Variants in DLG2 observed in about 807,000 individuals in gnomAD.
DLG2 encodes the protein discs large MAGUK scaffold protein 2, also known as disks large homolog 2.
A neutral mutation model predicts 132.5 loss-of-function variants in DLG2; 45 were observed. The observed-to-expected ratio is 0.34, with a 90% CI of 0.27 to 0.44. DLG2 has a LOEUF of 0.44. Ranked by LOEUF, DLG2 falls within the 20% of genes least tolerant of loss-of-function variation. DLG2 has a pLI of 1.00. For missense variants in DLG2, 1,045 were observed against 1,196.9 expected (o/e 0.87, Z 1.87); for synonymous variants, 424 against 419.6 (o/e 1.01, Z -0.13).
intron 4 of DLG2, among the ~76,000 whole-genome samples, chr11:85,249,181 C>T (rs897075473): frequency 6.6e-6 from 1 of 151,796 alleles, no homozygotes; most frequent in Non-Finnish European, 1.5e-5. Flanking sequence ...TTATCATGCT[C>T]ATTTGGGATC....
chr11:84,704,899 T>C (rs550429392), intron 6 of DLG2, among the ~76,000 whole-genome samples: 61 of 148,950 alleles, frequency 4.1e-4, no homozygotes, highest in African/African-American at 1.3e-3. Flanking sequence ...TATGTATATA[T>C]ACACATATAT....
intron 6 of DLG2, among the ~76,000 whole-genome samples, chr11:84,769,152 T>A (rs2068869576): frequency 6.6e-6 from 1 of 152,016 alleles, no homozygotes; most frequent in Non-Finnish European, 1.5e-5. Context: ...AAATGGAAAT[T>A]CAGAAATGAC....
intron 4 of DLG2, among the ~76,000 whole-genome samples, chr11:85,219,198 G>A (rs915568985): frequency 2.0e-5 from 3 of 151,952 alleles, no homozygotes; most frequent in Non-Finnish European, 4.4e-5. Flanking sequence ...TAACAAACCT[G>A]CACATGTACC....
chr11:85,150,698 TAGTGTGTG>T (rs2077188079), intron 5 of DLG2, among the ~76,000 whole-genome samples: 1 of 126,912 alleles, frequency 7.9e-6, no homozygotes, highest in Non-Finnish European at 1.6e-5. Context: ...TAAGGCTACA[TAGTGTGTG>T]TGTGTGTGTG....
At chr11:84,069,197 G>A (rs1424300311) in intron 10 of DLG2, among the ~76,000 whole-genome samples, 2 of 152,300 alleles carry the variant, frequency 1.3e-5, no homozygotes, top group East Asian at 3.9e-4. Flanking sequence ...ATGCTGGACT[G>A]AGACCATACT....
At chr11:85,171,736 G>A (rs1308012197) in intron 4 of DLG2, among the ~76,000 whole-genome samples, 1 of 152,190 alleles carries the variant, frequency 6.6e-6, no homozygotes, top group Non-Finnish European at 1.5e-5. Context: ...GGGAAGGGCA[G>A]CCACCATCTC....
intron 7 of DLG2, among the ~76,000 whole-genome samples, chr11:84,404,061 A>T (rs1417829028): frequency 6.6e-6 from 1 of 152,024 alleles, no homozygotes; most frequent in Non-Finnish European, 1.5e-5. Flanking sequence ...TCCAAATTTC[A>T]AATTGTATTA....
At chr11:85,034,923 T>G (rs1472116467) in intron 6 of DLG2, among the ~76,000 whole-genome samples, 1 of 152,202 alleles carries the variant, frequency 6.6e-6, no homozygotes, top group East Asian at 1.9e-4. Flanking sequence ...CATCTGCATT[T>G]GAATTAAGGT....
chr11:84,711,126 A>C, intron 6 of DLG2, among the ~76,000 whole-genome samples: 1 of 151,142 alleles, frequency 6.6e-6, no homozygotes, highest in East Asian at 2.0e-4. Context: ...TGTGACTTAC[A>C]ATAAAGTAAA....
chr11:83,950,064 GTCAGCCTTGGGTTAGTCAACA>G (rs1703919681), intron 14 of DLG2, among the ~76,000 whole-genome samples: 1 of 152,096 alleles, frequency 6.6e-6, no homozygotes, highest in South Asian at 2.1e-4. Context: ...TACCAGCTGA[GTCAGCCTTGGGTTAGTCAACA>G]TCAGTTACCT....
intron 7 of DLG2, among the ~76,000 whole-genome samples, chr11:84,401,605 G>A (rs138097023): frequency 3.0e-4 from 46 of 152,136 alleles, no homozygotes; most frequent in African/African-American, 1.1e-3. Context: ...AATATCTATG[G>A]AGCTCACTTC....
At chr11:84,477,976 T>C (rs898706828) in intron 7 of DLG2, among the ~76,000 whole-genome samples, 2 of 152,308 alleles carry the variant, frequency 1.3e-5, no homozygotes, top group Non-Finnish European at 2.9e-5. Flanking sequence ...GTATAAACCA[T>C]TATTAGCCCT....
intron 12 of DLG2, among the ~76,000 whole-genome samples, chr11:83,976,246 A>G (rs980247874): frequency 4.6e-5 from 7 of 151,966 alleles, no homozygotes; most frequent in Non-Finnish European, 1.0e-4. Context: ...ATGAAAGCCT[A>G]AAGAAATTAA....
At chr11:85,015,599 A>G (rs1180161856) in intron 6 of DLG2, among the ~76,000 whole-genome samples, 1 of 152,162 alleles carries the variant, frequency 6.6e-6, no homozygotes, top group East Asian at 1.9e-4. Context: ...CAAAAAGAGC[A>G]AAAGCTTGAA....
chr11:84,982,475 T>A (rs1254841036), intron 6 of DLG2, among the ~76,000 whole-genome samples: 2 of 152,072 alleles, frequency 1.3e-5, no homozygotes, highest in South Asian at 2.1e-4. Context: ...CATCAACAGT[T>A]TATATATATT....
At chr11:84,764,637 G>A (rs1157742162) in intron 6 of DLG2, among the ~76,000 whole-genome samples, 4 of 152,014 alleles carry the variant, frequency 2.6e-5, no homozygotes, top group African/African-American at 9.7e-5. Flanking sequence ...ATCAGGTAAA[G>A]AAAGATATTC....
chr11:84,054,159 C>A (rs1028929762), intron 11 of DLG2, among the ~76,000 whole-genome samples: 1 of 152,034 alleles, frequency 6.6e-6, no homozygotes, highest in Non-Finnish European at 1.5e-5. Context: ...TCCTAAGCAA[C>A]AACAGCATCT....
chr11:84,337,388 A>G (rs2098491109), intron 7 of DLG2, among the ~76,000 whole-genome samples: 1 of 152,196 alleles, frequency 6.6e-6, no homozygotes, highest in East Asian at 1.9e-4. Context: ...CATTGTAGAA[A>G]AGTTAGAAAA....
intron 5 of DLG2, 78 bp downstream of exon 5, chr11:85,154,478 T>C (rs2077469240): frequency 2.6e-6 from 2 of 769,920 alleles, no homozygotes; most frequent in Non-Finnish European, 4.2e-6. Context: ...TCTTTAACAC[T>C]ACTAGCACTA....
Sources: gnomAD v4.1 joint callset for allele counts (sites outside exome capture counted in the v4.1 genomes callset) on GRCh38, gnomAD v4.1.1 for gene constraint, MANE v1.5 for transcripts, NCBI Gene and HGNC (gene_info 2026-07-23, HGNC 2026-07-21) for gene names.